The following SLC22A24 variants were observed in gnomAD, a reference collection of about 807,000 sequenced individuals.
SLC22A24 encodes steroid transmembrane transporter SLC22A24.
Under a neutral mutation model 49.8 loss-of-function variants are expected in SLC22A24, and 53 were observed. That is an observed-to-expected ratio of 1.06 (90% CI 0.85 to 1.34). SLC22A24 has a LOEUF of 1.34. Among genes scored for constraint, SLC22A24 ranks in the 40% most tolerant of loss-of-function variants. The pLI is 0.00. For missense variants in SLC22A24, 786 were observed against 675.9 expected, an observed-to-expected ratio of 1.16 and a Z score of -1.81; for synonymous variants, 302 against 256.4, an observed-to-expected ratio of 1.18 and a Z score of -1.70.
At chr11:63,086,419 C>G (rs762111590) in intron 6 of SLC22A24, among the ~76,000 whole-genome samples, 1 of 152,120 alleles carries the variant, frequency 6.6e-6, no homozygotes. Context: ...ATTATCCTAA[C>G]TGAACTAACA....
intron 1 of SLC22A24, among the ~76,000 whole-genome samples, chr11:63,136,519 C>T (rs1204858026): frequency 6.6e-6 from 1 of 152,218 alleles, no homozygotes; most frequent in Non-Finnish European, 1.5e-5. Context: ...TTCACCTGAC[C>T]TCTTGCCAAC....
At chr11:63,105,931 A>G (rs1167204377) in intron 4 of SLC22A24, among the ~76,000 whole-genome samples, 1 of 136,834 alleles carries the variant, frequency 7.3e-6, no homozygotes, top group Admixed American at 7.2e-5. Context: ...TTTTTCTTTT[A>G]AATTTTATTA....
chr11:63,086,889 T>C (rs2086989761), intron 6 of SLC22A24, among the ~76,000 whole-genome samples: 1 of 152,074 alleles, frequency 6.6e-6, no homozygotes, highest in Non-Finnish European at 1.5e-5. Context: ...CACAATACAA[T>C]TTGTTAAAAA....
At chr11:63,089,976 G>A (rs563396228) in intron 6 of SLC22A24, among the ~76,000 whole-genome samples, 1 of 151,256 alleles carries the variant, frequency 6.6e-6, no homozygotes, top group East Asian at 2.0e-4. Flanking sequence ...AGCTACTCGG[G>A]AGGCTGAGGC....
chr11:63,081,362 TAATTAACCTGTAGC>T (rs2086958977), intron 8 of SLC22A24, among the ~76,000 whole-genome samples, 182 bp downstream of exon 8: 1 of 152,212 alleles, frequency 6.6e-6, no homozygotes, highest in Admixed American at 6.5e-5. Context: ...CCCATAGCAT[TAATTAACCTGTAGC>T]AATAACCCGC....
At chr11:63,080,220 T>C (rs1294829321) in intron 9 of SLC22A24, among the ~76,000 whole-genome samples, 1 of 152,192 alleles carries the variant, frequency 6.6e-6, no homozygotes, top group Non-Finnish European at 1.5e-5. Flanking sequence ...CTCTCACCAT[T>C]GTCTCTTTGG....
chr11:63,137,069 T>C (rs1185443605), intron 1 of SLC22A24, among the ~76,000 whole-genome samples: 1 of 152,040 alleles, frequency 6.6e-6, no homozygotes, highest in Non-Finnish European at 1.5e-5. Flanking sequence ...GTAGCCCCAT[T>C]GCAGGGTGTC....
At chr11:63,118,146 A>G (rs1036207331) in intron 4 of SLC22A24, among the ~76,000 whole-genome samples, 1 of 152,098 alleles carries the variant, frequency 6.6e-6, no homozygotes, top group African/African-American at 2.4e-5. Flanking sequence ...TATAATAATG[A>G]CAGCTTTTTG....
intron 4 of SLC22A24, chr11:63,116,394 AT>A (rs973752576): frequency 5.2e-5 from 9 of 172,448 alleles, no homozygotes; most frequent in Middle Eastern, 2.4e-3. Flanking sequence ...GCTCTGGCAG[AT>A]TTTTTTTTCA....
intron 2 of SLC22A24, among the ~76,000 whole-genome samples, chr11:63,122,066 G>A (rs538217416): frequency 1.3e-4 from 20 of 152,148 alleles, no homozygotes; most frequent in African/African-American, 4.8e-4. Context: ...TAAGGAAAAT[G>A]ATTAACTGAA....
At chr11:63,113,396 T>G (rs1404513783) in intron 4 of SLC22A24, among the ~76,000 whole-genome samples, 1 of 151,758 alleles carries the variant, frequency 6.6e-6, no homozygotes, top group Non-Finnish European at 1.5e-5. Context: ...TGGTACCGTT[T>G]GTTTCTTTCC....
chr11:63,103,018 CT>C (rs1401410266), intron 5 of SLC22A24, among the ~76,000 whole-genome samples: 3 of 152,112 alleles, frequency 2.0e-5, no homozygotes, highest in African/African-American at 7.2e-5. Flanking sequence ...TATAAGTAGG[CT>C]TGTTCACACT....
chr11:63,091,076 A>G (rs956921183), intron 6 of SLC22A24, among the ~76,000 whole-genome samples: 1 of 151,332 alleles, frequency 6.6e-6, no homozygotes, highest in Admixed American at 6.6e-5. Flanking sequence ...AAGAGGTATC[A>G]CCACTGATCC....
At chr11:63,092,908 C>A (rs908938463) in intron 6 of SLC22A24, among the ~76,000 whole-genome samples, 6 of 151,954 alleles carry the variant, frequency 3.9e-5, no homozygotes, top group Non-Finnish European at 7.4e-5. Context: ...GAACAGGCAA[C>A]CTACAGAATG....
At chr11:63,108,046 T>C (rs1385312442) in intron 4 of SLC22A24, among the ~76,000 whole-genome samples, 2 of 152,278 alleles carry the variant, frequency 1.3e-5, no homozygotes, top group East Asian at 1.9e-4. Context: ...TTTTTGCCCA[T>C]TCAGTATGAT....
chr11:63,136,355 A>T (rs2087374535), intron 1 of SLC22A24, among the ~76,000 whole-genome samples: 1 of 152,208 alleles, frequency 6.6e-6, no homozygotes, highest in South Asian at 2.1e-4. Context: ...CAGCACTTCG[A>T]TGAGATGCAC....
rs1050692974 is a variant in SLC22A24 at position 63,085,350 on chromosome 11, A to G, written c.1071-1893T>C. On this transcript the variant is annotated intron_variant, in intron 6 of 9. Transcript: ENST00000612278. ...ATGGAGGTTTATACAGAAGGCCTCC[A>G]TTATCTTGGTCTGATTGTCTTTCTT... Among the ~76,000 whole-genome samples, 8 of 152,306 alleles carry G rather than the reference A, an allele frequency of 5.3e-5. No individual in the cohort carries two copies. In the East Asian group the frequency reaches 1.5e-3, roughly 29 times the overall value.
intron 4 of SLC22A24, among the ~76,000 whole-genome samples, chr11:63,114,362 T>C (rs2087197162): frequency 6.6e-6 from 1 of 152,214 alleles, no homozygotes; most frequent in African/African-American, 2.4e-5. Context: ...GACTCGGCTA[T>C]TGAAACTTGT....
chr11:63,081,681 G>A lies in SLC22A24; in HGVS notation c.1286-15C>T, dbSNP rs1261758979. On this transcript the variant is annotated splice_polypyrimidine_tract_variant and intron_variant, in intron 7 of 9. Transcript: ENST00000612278. ...GATCTGCATTTCTAGAGAGAACAGT[G>A]AGAATCAGGAAATCTTGCCTGAAGA... 19 of 1,515,520 alleles carry A rather than the reference G, an allele frequency of 1.3e-5. No individual in the cohort carries two copies. The East Asian group carries it at 2.0e-4, about 16-fold the overall frequency. 93.9% of individuals were successfully genotyped at this position (1,515,520 alleles called of 1,614,324 possible). A position where few individuals can be genotyped will look rare whatever the true frequency, so the allele number is the denominator to read the frequency against.
Sources: gnomAD v4.1 joint callset for allele counts (sites outside exome capture counted in the v4.1 genomes callset) on GRCh38, gnomAD v4.1.1 for gene constraint, MANE v1.5 for transcripts, NCBI Gene and HGNC (gene_info 2026-07-23, HGNC 2026-07-21) for gene names.